Variants in ARID1B observed in about 807,000 individuals in gnomAD.
ARID1B encodes AT-rich interaction domain 1B.
In ARID1B, 30 loss-of-function variants were observed where a neutral mutation model predicts 212.3. That is an observed-to-expected ratio of 0.14 (90% CI 0.11 to 0.19). ARID1B has a LOEUF of 0.19. Ranked by LOEUF, ARID1B falls within the 10% of genes least tolerant of loss-of-function variation. The pLI is 1.00. For missense variants in ARID1B, 2,891 were observed against 3,204.0 expected (o/e 0.90, Z 2.36); for synonymous variants, 1,402 against 1,301.7 (o/e 1.08, Z -1.66).
At chr6:156,923,253 T>C (rs958398351) in intron 3 of ARID1B, among the ~76,000 whole-genome samples, 2 of 152,202 alleles carry the variant, frequency 1.3e-5, no homozygotes, top group African/African-American at 2.4e-5. Flanking sequence ...AGGACTCACT[T>C]AATTATCATA....
At chr6:157,092,077 A>T (rs1431345788) in intron 5 of ARID1B, among the ~76,000 whole-genome samples, 1 of 152,232 alleles carries the variant, frequency 6.6e-6, no homozygotes, top group Non-Finnish European at 1.5e-5. Flanking sequence ...TGATATATCC[A>T]TGTTTTTAAT....
At chr6:157,158,683 C>G (rs1481041488) in intron 8 of ARID1B, among the ~76,000 whole-genome samples, 1 of 152,168 alleles carries the variant, frequency 6.6e-6, no homozygotes, top group East Asian at 1.9e-4. Flanking sequence ...TCCTCGGCAG[C>G]TAAGCCACTT....
At chr6:156,786,963 T>TC (rs1365416972) in intron 1 of ARID1B, among the ~76,000 whole-genome samples, 1 of 151,254 alleles carries the variant, frequency 6.6e-6, no homozygotes. Flanking sequence ...TTTTTTTTTT[T>TC]CCGGTGGGGC....
chr6:156,921,362 T>G (rs1057312805), intron 3 of ARID1B, among the ~76,000 whole-genome samples: 1 of 151,904 alleles, frequency 6.6e-6, no homozygotes, highest in Non-Finnish European at 1.5e-5. Flanking sequence ...GGAGTCATCT[T>G]TATGTTTTTT....
At chr6:156,946,077 C>G (rs535429246) in intron 4 of ARID1B, among the ~76,000 whole-genome samples, 26 of 151,768 alleles carry the variant, frequency 1.7e-4, no homozygotes, top group African/African-American at 6.0e-4. Flanking sequence ...GAATAATGGG[C>G]CAGGCGTGGT....
chr6:157,177,197 G>A lies in ARID1B; in HGVS notation c.3504+2192G>A, dbSNP rs144232537. Among the ~76,000 whole-genome samples the A allele has an allele frequency of 9.5e-4, 144 of 152,308 alleles. No individual in the cohort carries two copies. The Middle Eastern group carries it at 0.014, about 14-fold the overall frequency. On this transcript the variant is annotated intron_variant, in intron 11 of 19. Transcript: ENST00000636930. Reference sequence around the variant, plus strand: ...ATTTGCAAGCAAACTTCTGGCTCCTGTAGTAGATAGGAACAAGAGAAGCTG... The same window carrying A: ...ATTTGCAAGCAAACTTCTGGCTCCTATAGTAGATAGGAACAAGAGAAGCTG...
At chr6:157,161,401 G>C (rs1047559153) in intron 8 of ARID1B, among the ~76,000 whole-genome samples, 5 of 147,872 alleles carry the variant, frequency 3.4e-5, no homozygotes, top group African/African-American at 1.3e-4. Flanking sequence ...AGGGCTTGAC[G>C]GTCTTATTTT....
intron 2 of ARID1B, among the ~76,000 whole-genome samples, chr6:156,844,254 T>C (rs1392423993): frequency 2.0e-5 from 3 of 152,166 alleles, no homozygotes; most frequent in Non-Finnish European, 4.4e-5. Flanking sequence ...GTTTGATTTT[T>C]TGTTTTGTTT....
At chr6:157,009,186 A>G (rs1445442860) in intron 4 of ARID1B, among the ~76,000 whole-genome samples, 5 of 142,638 alleles carry the variant, frequency 3.5e-5, no homozygotes, top group Admixed American at 2.7e-4. Context: ...GTAGGAAACT[A>G]TAAGTGTTGA....
chr6:157,009,648 A>G (rs780586948), intron 4 of ARID1B, among the ~76,000 whole-genome samples: 19 of 152,362 alleles, frequency 1.2e-4, no homozygotes, highest in South Asian at 1.2e-3. Flanking sequence ...ATGCTCATCA[A>G]TTGAGACATT....
chr6:157,076,316 G>GTTT (rs10640061), intron 4 of ARID1B, among the ~76,000 whole-genome samples: 19 of 148,714 alleles, frequency 1.3e-4, no homozygotes, highest in East Asian at 3.9e-4. Flanking sequence ...TGTTTGTTTT[G>GTTT]TTTTTTTTTC....
chr6:156,991,804 C>A (rs1245672028), intron 4 of ARID1B, among the ~76,000 whole-genome samples: 1 of 152,142 alleles, frequency 6.6e-6, no homozygotes, highest in Non-Finnish European at 1.5e-5. Flanking sequence ...TTCAAAAGTT[C>A]TATTGAAATG....
At chr6:157,080,144 G>T (rs1380245676) in intron 4 of ARID1B, among the ~76,000 whole-genome samples, 1 of 152,198 alleles carries the variant, frequency 6.6e-6, no homozygotes, top group Non-Finnish European at 1.5e-5. Flanking sequence ...CTGAGCAAGA[G>T]ATGCCCAAAT....
At position 157,138,668 on chromosome 6, in the gene ARID1B, G is replaced by A. The variant is rs149351318; in HGVS notation, c.2761+5461G>A. 2.4e-3 allele frequency among the ~76,000 whole-genome samples: 365 copies of A among 152,264 alleles called. 3 individuals are homozygous for A. The highest frequency in any genetic ancestry group is 8.1e-3 in the African/African-American group (337 of 41,544). ...GATTGACAAGATCCTCTTCTCTGAC[G>A]TTCCAAAGACTAGATTCTGTGCAGG... On this transcript the variant is annotated intron_variant, in intron 7 of 19. Transcript: ENST00000636930.
intron 4 of ARID1B, among the ~76,000 whole-genome samples, chr6:156,944,688 G>A (rs1207961553): frequency 6.6e-6 from 1 of 152,186 alleles, no homozygotes; most frequent in Non-Finnish European, 1.5e-5. Flanking sequence ...AAGGCCCTAA[G>A]GGCATGTATC....
At chr6:156,972,711 C>T (rs1379930166) in intron 4 of ARID1B, among the ~76,000 whole-genome samples, 1 of 152,174 alleles carries the variant, frequency 6.6e-6, no homozygotes, top group Non-Finnish European at 1.5e-5. Flanking sequence ...AGGTGTCAGT[C>T]TTTTCCAGCC....
intron 11 of ARID1B, among the ~76,000 whole-genome samples, chr6:157,176,260 G>T (rs1792095375): frequency 6.6e-6 from 1 of 152,214 alleles, no homozygotes; most frequent in Non-Finnish European, 1.5e-5. Flanking sequence ...ATAGCAGACA[G>T]TGCGCTTCTA....
chr6:156,804,016 T>C (rs978165171), intron 1 of ARID1B, among the ~76,000 whole-genome samples: 1 of 152,144 alleles, frequency 6.6e-6, no homozygotes, highest in Non-Finnish European at 1.5e-5. Context: ...TTGAATTGCC[T>C]GGTATGATGG....
At chr6:156,923,858 C>T (rs1352165224) in intron 3 of ARID1B, among the ~76,000 whole-genome samples, 1 of 152,070 alleles carries the variant, frequency 6.6e-6, no homozygotes, top group African/African-American at 2.4e-5. Flanking sequence ...CAGGTGTGCG[C>T]CACCATGCCC....
Sources: gnomAD v4.1 joint callset for allele counts (sites outside exome capture counted in the v4.1 genomes callset) on GRCh38, gnomAD v4.1.1 for gene constraint, MANE v1.5 for transcripts, NCBI Gene and HGNC (gene_info 2026-07-23, HGNC 2026-07-21) for gene names.